Variants in FBXO2 observed in about 807,000 individuals in gnomAD.
FBXO2 encodes F-box protein 2, also known as F-box only protein 2.
In FBXO2, 32 loss-of-function variants were observed where a neutral mutation model predicts 38.6. That is an observed-to-expected ratio of 0.83 (90% CI 0.62 to 1.11). The LOEUF is 1.11. FBXO2 is among the 50% of genes most tolerant of loss of function. The probability of loss-of-function intolerance (pLI) is 0.00; values close to 1 mark genes in which losing one functional copy is unlikely to be tolerated. For synonymous variants in FBXO2, 189 were observed against 182.9 expected (o/e 1.03, Z -0.27); for missense variants, 450 against 418.3 (o/e 1.08, Z -0.66).
chr1:11,652,531 C>T (rs762516662), intron 1 of FBXO2, among the ~76,000 whole-genome samples: 1 of 152,210 alleles, frequency 6.6e-6, no homozygotes, highest in African/African-American at 2.4e-5. Flanking sequence ...CCGCGGCAGC[C>T]GGACTGTCTC....
At chr1:11,650,414 C>G in intron 2 of FBXO2, 52 bp downstream of exon 2, 1 of 1,574,990 alleles carries the variant, frequency 6.3e-7, no homozygotes, top group South Asian at 1.2e-5. Context: ...GGCGCCGTTT[C>G]GGCCCATTTC....
At chr1:11,652,716 G>C (rs1456317404) in intron 1 of FBXO2, among the ~76,000 whole-genome samples, 1 of 152,196 alleles carries the variant, frequency 6.6e-6, no homozygotes, top group Non-Finnish European at 1.5e-5. Context: ...GCTAGGCCCT[G>C]GAGAGCCAAG....
rs373751221 is a variant in FBXO2 at position 11,649,869 on chromosome 1, C to T, written c.527G>A (p.Cys176Tyr). The change falls in exon 4 of 6, where the codon TGT becomes TAT. Residue 176 changes from cysteine to tyrosine, a missense_variant. Physicochemically the swap from Cys to Tyr is radical, Grantham distance 194. Transcript: ENST00000354287. ...CAGGTCAATGACCTGTGCTTTGCGACACCACCTGGGAGAACTGGAGTTAGG... is the reference window on the plus strand; with the variant it reads ...CAGGTCAATGACCTGTGCTTTGCGATACCACCTGGGAGAACTGGAGTTAGG... ...KKYFASSFEW[C>Y]RKAQVIDLQA... 65 of 1,613,960 alleles carry T rather than the reference C, an allele frequency of 4.0e-5. No homozygotes were observed. Among genetic ancestry groups the T allele is most frequent in the Non-Finnish European group, 5.3e-5 (62 of 1,180,036 alleles).
In FBXO2 at chr1:11,649,153, C is replaced by T. The variant is rs185490091; in HGVS notation, c.690G>A (p.Val230=). The T allele has an allele frequency of 1.3e-6, 2 of 1,585,236 alleles. No homozygotes were observed. The highest frequency in any genetic ancestry group is 3.5e-5 in the Admixed American group (2 of 56,708). ...CCTGCCCGCTGCTGAACTCAGCCAG[C>T]ACGTTCTCGTGCTCGGACAGTAGCT... The part of the protein sequence containing the change: ...TVKLLSEHEN[V]LAEFSSGQVA... Residue 230 remains valine (V), a synonymous_variant, in exon 5 of 6, where the codon GTG becomes GTA. Transcript: ENST00000354287.
intron 4 of FBXO2, 43 bp from the exon 5 acceptor site, chr1:11,649,268 T>A: frequency 5.0e-6 from 2 of 401,622 alleles, no homozygotes; most frequent in African/African-American, 2.3e-5. Context: ...GGAGGTGGGG[T>A]GGGGGCATGG....
rs1639461226 is a variant in FBXO2 at position 11,648,890 on chromosome 1, C to T, written c.757-62G>A. 2 of 1,594,354 alleles carry T rather than the reference C, an allele frequency of 1.3e-6. No individual in the cohort carries two copies. The highest frequency in any genetic ancestry group is 1.3e-5 in the African/African-American group (1 of 74,736). ...CCTGAGGCCTCTCCTGCCGCCCCAC[C>T]CCGGTACACCGACCGACCTGCAGCT... On this transcript the variant is annotated intron_variant, in intron 5 of 5. Transcript: ENST00000354287. This position sits in a 1 kb window ranked among gnomAD's most constrained non-coding sequence, Gnocchi z 4.2.
At chr1:11,650,352 A>G (rs1639492121) in intron 2 of FBXO2, 114 bp downstream of exon 2, 3 of 1,476,860 alleles carry the variant, frequency 2.0e-6, no homozygotes, top group Non-Finnish European at 2.7e-6. Flanking sequence ...GGGGCTACCC[A>G]GTGCTGGCAC....
At chr1:11,650,874 C>G (rs1401215345) in intron 1 of FBXO2, 40 bp from the exon 2 acceptor site, 3 of 1,553,656 alleles carry the variant, frequency 1.9e-6, no homozygotes, top group Admixed American at 3.6e-5. Context: ...ATTCCTCCAC[C>G]CTGTACTCCT....
intron 1 of FBXO2, 120 bp from the exon 2 acceptor site, chr1:11,650,954 G>T (rs1015086884): frequency 1.5e-6 from 2 of 1,370,126 alleles, no homozygotes; most frequent in Admixed American, 3.0e-5. Context: ...AGCTGGGGCC[G>T]GAGATTCTGT....
Position 11,654,412 on chromosome 1 carries a change from C to T in FBXO2, c.-72G>A. 1 of 1,312,364 alleles carries T rather than the reference C, an allele frequency of 7.6e-7. No individual in the cohort carries two copies. Among genetic ancestry groups the T allele is most frequent in the Non-Finnish European group, 9.7e-7 (1 of 1,028,008 alleles). The allele number at this position is 1,312,364 out of a possible 1,614,324, so 81.3% of individuals were successfully genotyped here. A position where few individuals can be genotyped will look rare whatever the true frequency, so the allele number is the denominator to read the frequency against. On this transcript the variant is annotated 5_prime_UTR_variant, in exon 1 of 6. Coordinates refer to ENST00000354287, the MANE Select transcript of FBXO2 (RefSeq NM_012168.6). Reference sequence around the variant, plus strand: ...TGCGCGAGTCCCGGGGCGGCGAGTCCCGGCGCTGTCCGCGTCTGTGTCGGT... The same window carrying T: ...TGCGCGAGTCCCGGGGCGGCGAGTCTCGGCGCTGTCCGCGTCTGTGTCGGT...
At position 11,650,105 on chromosome 1, in the gene FBXO2, A is replaced by C. The variant is rs180916215; in HGVS notation, c.392-31T>G. ...GGGACACGACAGCCCCACCCTGGTC[A>C]CTCAGTCCCTGCTAAGGCTGGCTCT... is the stretch of plus-strand genomic sequence containing the variant. On this transcript the variant is annotated intron_variant, in intron 2 of 5. Transcript: ENST00000354287. The C allele has an allele frequency of 2.8e-4, 449 of 1,611,930 alleles. No individual in the cohort carries two copies. The African/African-American group carries it at 5.6e-3, about 20-fold the overall frequency.
rs138375052 is a variant in FBXO2 at position 11,652,998 on chromosome 1, C to T, written c.22+1321G>A. Among the ~76,000 whole-genome samples the T allele has an allele frequency of 2.9e-3, 445 of 152,310 alleles. 1 individual carries two copies. The highest frequency in any genetic ancestry group is 6.8e-3 in the Middle Eastern group (2 of 294). ...TTTATGATGTGGGGATTTACACCGGCCCCTTTGGCAAAGAGGAAACTGAGG... is the reference window on the plus strand; with the variant it reads ...TTTATGATGTGGGGATTTACACCGGTCCCTTTGGCAAAGAGGAAACTGAGG... On this transcript the variant is annotated intron_variant, in intron 1 of 5. Coordinates refer to ENST00000354287, the MANE Select transcript of FBXO2 (RefSeq NM_012168.6).
chr1:11,653,082 G>A (rs978430263), intron 1 of FBXO2, among the ~76,000 whole-genome samples: 12 of 152,214 alleles, frequency 7.9e-5, no homozygotes, highest in Non-Finnish European at 1.0e-4. Context: ...GAAGACAGAG[G>A]AAAATGCCAG....
chr1:11,650,031 G>A lies in FBXO2; in HGVS notation c.435C>T (p.Gly145=). The change falls in exon 3 of 6, where the codon GGC becomes GGT. Residue 145 remains glycine, a synonymous_variant. Transcript: ENST00000354287. Reference sequence around the variant, plus strand: ...CTCCAGGCAGCTCCTCCACCCTCCAGCCGTCCCCACCATGCTCCACGTCAC... The same window carrying A: ...CTCCAGGCAGCTCCTCCACCCTCCAACCGTCCCCACCATGCTCCACGTCAC... ...GWCDVEHGGD[G]WRVEELPGDS... The A allele has an allele frequency of 6.2e-7, 1 of 1,614,010 alleles. No individual in the cohort carries two copies. The highest frequency in any genetic ancestry group is 8.5e-7 in the Non-Finnish European group (1 of 1,180,008).
chr1:11,654,205 T>C, intron 1 of FBXO2, 114 bp downstream of exon 1: 3 of 1,201,208 alleles, frequency 2.5e-6, no homozygotes, highest in Non-Finnish European at 3.4e-6. Flanking sequence ...GGCGTGAAAG[T>C]TTGCCGCGCC....
rs1639464789 is a variant in FBXO2 at position 11,648,961 on chromosome 1, C to T, written c.756+126G>A. 6.8e-7 allele frequency: 1 copy of T among 1,472,656 alleles called. No individual in the cohort carries two copies. The highest frequency in any genetic ancestry group is 9.2e-7 in the Non-Finnish European group (1 of 1,086,384). 91.2% of individuals were successfully genotyped at this position (1,472,656 alleles called of 1,614,324 possible). On this transcript the variant is annotated intron_variant, in intron 5 of 5. Coordinates refer to ENST00000354287, the MANE Select transcript of FBXO2 (RefSeq NM_012168.6). This position sits in a 1 kb window ranked among gnomAD's most constrained non-coding sequence, Gnocchi z 4.2. ...GGTATTCAGAACTCTCTCCACCACC[C>T]GGTGACTATCTCAGCCCAGCCCAGC...
At chr1:11,651,069 G>T (rs1557654114) in intron 1 of FBXO2, among the ~76,000 whole-genome samples, 1 of 152,156 alleles carries the variant, frequency 6.6e-6, no homozygotes, top group Non-Finnish European at 1.5e-5. Flanking sequence ...TCCTCTGCTG[G>T]ACCAGTAAAC....
chr1:11,652,671 C>T (rs1039666478), intron 1 of FBXO2, among the ~76,000 whole-genome samples: 20 of 152,218 alleles, frequency 1.3e-4, no homozygotes, highest in African/African-American at 4.1e-4. Context: ...AGGAAGACTA[C>T]AGCTCTCAGA....
chr1:11,650,962 T>C lies in FBXO2; in HGVS notation c.23-128A>G, dbSNP rs543835104. 4.5e-6 allele frequency: 6 copies of C among 1,323,872 alleles called. No homozygotes were observed. In the South Asian group the frequency reaches 7.8e-5, roughly 17 times the overall value. 82.0% of individuals were successfully genotyped at this position (1,323,872 alleles called of 1,614,324 possible). A position where few individuals can be genotyped will look rare whatever the true frequency, so the allele number is the denominator to read the frequency against. On this transcript the variant is annotated intron_variant, in intron 1 of 5. Coordinates refer to ENST00000354287, the MANE Select transcript of FBXO2 (RefSeq NM_012168.6). ...AATCCACAGCTGGGGCCGGAGATTC[T>C]GTGACTCCATACTGGTGCCCAAGGA...
Sources: allele counts gnomAD v4.1 joint callset (sites outside exome capture counted in the v4.1 genomes callset), GRCh38; gene constraint gnomAD v4.1.1; non-coding constraint Gnocchi (gnomAD v3.1); transcripts MANE v1.5; gene names NCBI Gene and HGNC (gene_info 2026-07-23, HGNC 2026-07-21).